The following STRA8 variants were observed in gnomAD, a reference collection of about 807,000 sequenced individuals.
The protein encoded by STRA8 is stimulated by retinoic acid gene 8 protein homolog.
A neutral mutation model predicts 37.1 loss-of-function variants in STRA8; 18 were observed. That is an observed-to-expected ratio of 0.48 (90% CI 0.34 to 0.72). STRA8 has a LOEUF of 0.72. Ranked by LOEUF, STRA8 falls within the 30% of genes least tolerant of loss-of-function variation. The pLI is 0.01. For missense variants in STRA8, 357 were observed against 410.4 expected (o/e 0.87, Z 1.13); for synonymous variants, 168 against 162.9 (o/e 1.03, Z -0.24).
chr7:135,235,382 T>C (rs1014567831), intron 1 of STRA8, among the ~76,000 whole-genome samples: 1 of 135,890 alleles, frequency 7.4e-6, no homozygotes, highest in East Asian at 2.3e-4. Flanking sequence ...CCCACTTCTA[T>C]TGGTTATGAG....
intron 1 of STRA8, among the ~76,000 whole-genome samples, chr7:135,239,460 G>A (rs1832427649): frequency 6.6e-6 from 1 of 152,200 alleles, no homozygotes; most frequent in Admixed American, 6.5e-5. Flanking sequence ...GCAGGGAGTA[G>A]ACCTAGCAGA....
At chr7:135,242,225 GGGGA>G (rs1225417986) in intron 2 of STRA8, among the ~76,000 whole-genome samples, 96 of 136,760 alleles carry the variant, frequency 7.0e-4, no homozygotes, top group African/African-American at 2.5e-3. Context: ...GCAGAAGGGA[GGGGA>G]GGGAGGGAGA....
chr7:135,234,106 T>TGATGATGATGATG (rs563221133), intron 1 of STRA8, among the ~76,000 whole-genome samples: 2 of 150,762 alleles, frequency 1.3e-5, no homozygotes, highest in African/African-American at 4.9e-5. Flanking sequence ...TGATGATGAT[T>TGATGATGATGATG]ATTATTATTA....
chr7:135,246,408 C>A lies in STRA8; in HGVS notation c.594-9C>A. On this transcript the variant is annotated splice_polypyrimidine_tract_variant and intron_variant, in intron 5 of 8. Coordinates refer to ENST00000662584, the MANE Select transcript of STRA8 (RefSeq NM_001394401.1). This position sits in a 1 kb window ranked among gnomAD's most constrained non-coding sequence, Gnocchi z 5.4. ...TTAGGGGTGCGAGACGGCGCCGCTT[C>A]TGTTCCAGGTATCTCAACTTTTACA... The A allele has an allele frequency of 6.3e-7, 1 of 1,596,220 alleles. No individual in the cohort carries two copies. The highest frequency in any genetic ancestry group is 1.1e-5 in the South Asian group (1 of 88,168).
intron 7 of STRA8, among the ~76,000 whole-genome samples, chr7:135,253,366 G>A (rs773490933): frequency 3.3e-5 from 5 of 152,102 alleles, no homozygotes; most frequent in Non-Finnish European, 5.9e-5. Context: ...TATGAATTTC[G>A]GAAGAACACA....
intron 7 of STRA8, among the ~76,000 whole-genome samples, chr7:135,252,617 C>T (rs953073042): frequency 1.3e-5 from 2 of 152,146 alleles, no homozygotes; most frequent in Admixed American, 1.3e-4. Context: ...TGGCGCAGGG[C>T]TGGGACATAC....
intron 4 of STRA8, among the ~76,000 whole-genome samples, chr7:135,245,073 T>C (rs1302650566): frequency 5.9e-5 from 9 of 152,208 alleles, no homozygotes. Flanking sequence ...TTTTCTTCTG[T>C]AGTCTGTTGA....
rs375284298 is a variant in STRA8, at chr7:135,246,579, G to A, written c.756G>A (p.Lys252=). The change falls in exon 6 of 9, where the codon AAG becomes AAA. Residue 252 remains lysine (K), a synonymous_variant. Transcript: ENST00000662584. The surrounding 1 kb of genome is among the most constrained non-coding windows in gnomAD (Gnocchi z 5.4). ...KASLRQAWAQ[K]HRGPATLAEA... is the part of the protein sequence containing the mutation. Reference sequence around the variant, plus strand: ...GCCTCCGGCAGGCCTGGGCGCAGAAGCACCGCGGCCCTGCGACCCTGGCGG... The same window carrying A: ...GCCTCCGGCAGGCCTGGGCGCAGAAACACCGCGGCCCTGCGACCCTGGCGG... 2.2e-4 allele frequency: 342 copies of A among 1,546,720 alleles called. 1 individual carries two copies. The highest frequency in any genetic ancestry group is 2.9e-4 in the Non-Finnish European group (333 of 1,147,696).
rs1369488316 is a variant in STRA8, at chr7:135,255,331, G to A, written c.1065+106G>A. 6.4e-6 allele frequency: 5 copies of A among 782,960 alleles called. No homozygotes were observed. The Admixed American group carries it at 1.2e-4, about 18-fold the overall frequency. 48.5% of individuals were successfully genotyped at this position (782,960 alleles called of 1,614,324 possible). A position where few individuals can be genotyped will look rare whatever the true frequency, so the allele number is the denominator to read the frequency against. ...AGAACTCACCCCAATCATACCATGA[G>A]GAGCCACTGGGCAGGGACACTCTCC... On this transcript the variant is annotated intron_variant, in intron 8 of 8. Coordinates refer to ENST00000662584, the MANE Select transcript of STRA8 (RefSeq NM_001394401.1).
At chr7:135,258,273 C>T in intron 8 of STRA8, 145 bp from the exon 9 acceptor site, 1 of 596,354 alleles carries the variant, frequency 1.7e-6, no homozygotes, top group East Asian at 3.1e-5. Context: ...GCTTCCTGGC[C>T]CAAGCTGGAG....
upstream of STRA8, among the ~76,000 whole-genome samples, chr7:135,233,496 C>T (rs918940307): frequency 1.3e-5 from 2 of 152,122 alleles, no homozygotes; most frequent in Non-Finnish European, 2.9e-5. Context: ...GGGCCCAGTG[C>T]CAGGTGAGTG....
upstream of STRA8, chr7:135,232,134 G>T: frequency 9.2e-7 from 1 of 1,084,548 alleles, no homozygotes; most frequent in Non-Finnish European, 1.4e-6. Context: ...CGGGAGGTGG[G>T]GTGACTACAT....
At chr7:135,249,262 T>C (rs1832606149) in intron 6 of STRA8, among the ~76,000 whole-genome samples, 1 of 152,204 alleles carries the variant, frequency 6.6e-6, no homozygotes. Context: ...CTTGGATTTT[T>C]GGTTTTCCAT....
At position 135,251,875 on chromosome 7, in the gene STRA8, G is replaced by C; in HGVS notation, c.953+6G>C. The C allele has an allele frequency of 6.2e-7, 1 of 1,613,988 alleles. No homozygotes were observed. Among genetic ancestry groups the C allele is most frequent in the Non-Finnish European group, 8.5e-7 (1 of 1,179,924 alleles). On this transcript the variant is annotated splice_donor_region_variant and intron_variant, in intron 7 of 8. Transcript: ENST00000662584. ...CCGAGTACATCTAGCTCCAGGTGAG[G>C]AAGAGGGTGTGAGATAGCATGTGCC...
intron 1 of STRA8, among the ~76,000 whole-genome samples, chr7:135,234,760 C>A (rs1307172292): frequency 2.0e-5 from 3 of 152,144 alleles, no homozygotes; most frequent in African/African-American, 7.2e-5. Flanking sequence ...CACAAAATGC[C>A]CTTTTAGAAG....
intron 4 of STRA8, among the ~76,000 whole-genome samples, chr7:135,243,741 A>G (rs1330617743): frequency 6.6e-6 from 1 of 152,234 alleles, no homozygotes; most frequent in Non-Finnish European, 1.5e-5. Flanking sequence ...AATGTTGCAC[A>G]TTATTCTTTA....
chr7:135,240,453 C>T lies in STRA8; in HGVS notation c.-6-66C>T, dbSNP rs558318844. On this transcript the variant is annotated intron_variant, in intron 1 of 8. Coordinates refer to ENST00000662584, the MANE Select transcript of STRA8 (RefSeq NM_001394401.1). The stretch of plus-strand genomic sequence containing the variant: ...CTTTCTGCCTGCCTCAATTTGCCTT[C>T]CTTTTCCTTTAATATTGTATTTTTA... The T allele has an allele frequency of 4.3e-3, 6,597 of 1,536,458 alleles. 16 individuals carry two copies. The highest frequency in any genetic ancestry group is 5.1e-3 in the Non-Finnish European group (5,763 of 1,126,792).
chr7:135,237,486 CCCT>C (rs1832394482), intron 1 of STRA8, among the ~76,000 whole-genome samples: 1 of 152,196 alleles, frequency 6.6e-6, no homozygotes, highest in Non-Finnish European at 1.5e-5. Context: ...GAGGGTCCTG[CCCT>C]CCTCTCCCCA....
At position 135,240,519 on chromosome 7, in the gene STRA8, C is replaced by A; in HGVS notation, c.-6C>A. ...AAAAAAGCATACTATTACATTACAG[C>A]TTATAATGGCAACCCCTGAAGAAAA... On this transcript the variant is annotated splice_region_variant and 5_prime_UTR_variant, in exon 2 of 9. Coordinates refer to ENST00000662584, the MANE Select transcript of STRA8 (RefSeq NM_001394401.1). 1 of 1,613,398 alleles carries A rather than the reference C, an allele frequency of 6.2e-7. No individual in the cohort carries two copies. Among genetic ancestry groups the A allele is most frequent in the Non-Finnish European group, 8.5e-7 (1 of 1,179,764 alleles).
Sources: allele counts gnomAD v4.1 joint callset (sites outside exome capture counted in the v4.1 genomes callset), GRCh38; gene constraint gnomAD v4.1.1; non-coding constraint Gnocchi (gnomAD v3.1); transcripts MANE v1.5; gene names NCBI Gene and HGNC (gene_info 2026-07-23, HGNC 2026-07-21).